The following CDCA8 variants were observed in gnomAD, a reference collection of about 807,000 sequenced individuals.
The protein encoded by CDCA8 is cell division cycle associated 8.
In CDCA8, 25 loss-of-function variants were observed where a neutral mutation model predicts 40.0. That is an observed-to-expected ratio of 0.63 (90% confidence interval 0.46 to 0.87). The LOEUF (loss-of-function observed/expected upper bound fraction) is 0.87. CDCA8 is among the 40% of genes least tolerant of loss of function. CDCA8 has a pLI of 0.00. For synonymous variants in CDCA8, 111 were observed against 126.5 expected (o/e 0.88, Z 0.82); for missense variants, 280 against 348.4 (o/e 0.80, Z 1.56).
chr1:37,699,076 C>A, intron 4 of CDCA8, 99 bp downstream of exon 4: 1 of 758,916 alleles, frequency 1.3e-6, no homozygotes, highest in Non-Finnish European at 2.3e-6. Flanking sequence ...AGCCTCTTCC[C>A]TTTAATGTCT....
At chr1:37,702,839 C>G (rs988839058) in intron 6 of CDCA8, among the ~76,000 whole-genome samples, 2 of 151,832 alleles carry the variant, frequency 1.3e-5, no homozygotes, top group Non-Finnish European at 2.9e-5. Context: ...GTAGTTCCAG[C>G]TACTCGGGAG....
In CDCA8 at chr1:37,692,518, A is replaced by T. The variant is rs1054360963; in HGVS notation, c.-173A>T. 2 of 622,588 alleles carry T rather than the reference A, an allele frequency of 3.2e-6. No homozygotes were observed. Among genetic ancestry groups the T allele is most frequent in the South Asian group, 3.7e-5 (2 of 53,692 alleles). The allele number at this position is 622,588 out of a possible 1,614,324, so 38.6% of individuals were successfully genotyped here. On this transcript the variant is annotated 5_prime_UTR_variant, in exon 1 of 10. Coordinates refer to ENST00000373055, the MANE Select transcript of CDCA8 (RefSeq NM_001256875.2). ...TTTGAATTGGGTGGCGGTTGACTGT[A>T]GAGCCGCTCTCTCTCACTGGCACAG...
chr1:37,706,313 G>A (rs1645601566), intron 8 of CDCA8, among the ~76,000 whole-genome samples: 2 of 152,028 alleles, frequency 1.3e-5, no homozygotes, highest in Non-Finnish European at 2.9e-5. Flanking sequence ...TCACCATATT[G>A]GTCAAGCTGG....
chr1:37,700,734 A>T (rs1645558069), intron 5 of CDCA8, among the ~76,000 whole-genome samples: 1 of 152,230 alleles, frequency 6.6e-6, no homozygotes, highest in Admixed American at 6.5e-5. Context: ...TAGGACATAG[A>T]CAGGCCTTTC....
intron 8 of CDCA8, 148 bp downstream of exon 8, chr1:37,705,715 T>G (rs1645594841): frequency 2.7e-5 from 22 of 813,768 alleles, no homozygotes; most frequent in Non-Finnish European, 4.1e-5. Context: ...AGAACCCAGT[T>G]TTCTCTCCCA....
chr1:37,703,426 T>C (rs1021536263), intron 7 of CDCA8, 79 bp downstream of exon 7: 6 of 1,086,628 alleles, frequency 5.5e-6, no homozygotes, highest in Non-Finnish European at 7.1e-6. Flanking sequence ...TCTAAGAAAA[T>C]ACTCCTAGGC....
chr1:37,703,524 T>C (rs1432381701), intron 7 of CDCA8, among the ~76,000 whole-genome samples, 177 bp downstream of exon 7: 1 of 152,166 alleles, frequency 6.6e-6, no homozygotes, highest in African/African-American at 2.4e-5. Flanking sequence ...AAGACCAGCC[T>C]GGCCAAGATG....
At chr1:37,695,368 TAAAAAA>T (rs71690196) in intron 2 of CDCA8, among the ~76,000 whole-genome samples, 5 of 76,474 alleles carry the variant, frequency 6.5e-5, no homozygotes, top group African/African-American at 1.5e-4. Context: ...CATCTCTACT[TAAAAAA>T]AAAAAAAAAA....
intron 2 of CDCA8, among the ~76,000 whole-genome samples, chr1:37,695,650 G>A (rs1044390617): frequency 1.3e-5 from 2 of 152,120 alleles, no homozygotes; most frequent in South Asian, 2.1e-4. Flanking sequence ...TGATGTTTGA[G>A]CTGAGTTTTG....
At position 37,703,321 on chromosome 1, in the gene CDCA8, A is replaced by C; in HGVS notation, c.558A>C (p.Pro186=). The part of the protein sequence containing the change: ...RLEVSMVKPT[P]GLTPRFDSRV... Reference sequence around the variant, plus strand: ...AGGTGTCCATGGTCAAACCAACTCCAGGCCTGACACCCAGGTTTGACTCAA... The same window carrying C: ...AGGTGTCCATGGTCAAACCAACTCCCGGCCTGACACCCAGGTTTGACTCAA... Residue 186 remains proline, a synonymous_variant, in exon 7 of 10, where the codon CCA becomes CCC. Transcript: ENST00000373055. The C allele has an allele frequency of 6.2e-7, 1 of 1,613,816 alleles. No homozygotes were observed. Among genetic ancestry groups the C allele is most frequent in the East Asian group, 2.2e-5 (1 of 44,878 alleles).
At chr1:37,695,859 A>G in intron 2 of CDCA8, 51 bp from the exon 3 acceptor site, 1 of 1,538,616 alleles carries the variant, frequency 6.5e-7, no homozygotes, top group Non-Finnish European at 9.0e-7. Context: ...ACTATTAGGC[A>G]AGATGATTTA....
rs1406721591 is a variant in CDCA8, at chr1:37,708,398, G to A, written c.*32G>A. 1 of 1,594,408 alleles carries A rather than the reference G, an allele frequency of 6.3e-7. No individual in the cohort carries two copies. On this transcript the variant is annotated 3_prime_UTR_variant, in exon 10 of 10. Transcript: ENST00000373055. Reference sequence around the variant, plus strand: ...AAAGTTGACAGGATGGACTTTTAATGGGCACTTCTGGGACCCTGAAGAGAC... The same window carrying A: ...AAAGTTGACAGGATGGACTTTTAATAGGCACTTCTGGGACCCTGAAGAGAC...
Position 37,703,348 on chromosome 1 carries a change from G to T in CDCA8, c.584+1G>T. The T allele has an allele frequency of 6.2e-7, 1 of 1,606,912 alleles. No homozygotes were observed. On this transcript the variant is annotated splice_donor_variant, in intron 7 of 9. Coordinates refer to ENST00000373055, the MANE Select transcript of CDCA8 (RefSeq NM_001256875.2). LOFTEE classifies it high-confidence loss of function. ...GCCTGACACCCAGGTTTGACTCAAG[G>T]TGAGTATCGAGGGAAACACTTGGAT...
intron 3 of CDCA8, among the ~76,000 whole-genome samples, chr1:37,697,796 A>G (rs1339429411): frequency 1.3e-5 from 2 of 152,212 alleles, no homozygotes; most frequent in Non-Finnish European, 2.9e-5. Flanking sequence ...GAATGCCCCT[A>G]CTTTCTGTTG....
intron 4 of CDCA8, among the ~76,000 whole-genome samples, chr1:37,699,809 A>T (rs1645551525): frequency 6.6e-6 from 1 of 152,038 alleles, no homozygotes; most frequent in African/African-American, 2.4e-5. Context: ...AGTCCCAGCT[A>T]CTTGGGAGGC....
intron 3 of CDCA8, among the ~76,000 whole-genome samples, chr1:37,697,518 C>G (rs1645535317): frequency 6.6e-6 from 1 of 152,200 alleles, no homozygotes; most frequent in African/African-American, 2.4e-5. Flanking sequence ...CCTAGACTTT[C>G]AGGAGGGAAG....
chr1:37,707,792 G>C (rs1388867269), intron 9 of CDCA8, among the ~76,000 whole-genome samples: 1 of 152,208 alleles, frequency 6.6e-6, no homozygotes, highest in Non-Finnish European at 1.5e-5. Flanking sequence ...CTGCACTCCA[G>C]CCTGGGTGAC....
rs1557519042 is a variant in CDCA8 at position 37,705,473 on chromosome 1, C to T, written c.617C>T (p.Ala206Val). The stretch of plus-strand genomic sequence containing the variant: ...AAGACCCCTGGCCTGCGTACTCCAG[C>T]AGCAGGAGAGCGGATTTACAACATC... ...VFKTPGLRTP[A>V]AGERIYNISG... Residue 206 changes from alanine to valine, a missense_variant, in exon 8 of 10, where the codon GCA (alanine) becomes GTA (valine). By Grantham distance (64) the Ala-to-Val change is moderately conservative. Transcript: ENST00000373055. 1 of 1,613,974 alleles carries T rather than the reference C, an allele frequency of 6.2e-7. No homozygotes were observed. Among genetic ancestry groups the T allele is most frequent in the East Asian group, 2.2e-5 (1 of 44,882 alleles).
Position 37,704,964 on chromosome 1 carries a change from T to A in CDCA8, c.585-477T>A, listed in dbSNP as rs550957267. Among the ~76,000 whole-genome samples the A allele has an allele frequency of 3.3e-5, 5 of 152,334 alleles. No individual in the cohort carries two copies. In the East Asian group the frequency reaches 5.8e-4, roughly 18 times the overall value. On this transcript the variant is annotated intron_variant, in intron 7 of 9. Coordinates refer to ENST00000373055, the MANE Select transcript of CDCA8 (RefSeq NM_001256875.2). ...CACTCAGCCAGTTCCCACTTTTCTT[T>A]ACTGTTTGTTTTCTCACATGAATAT...
Sources: gnomAD v4.1 joint callset for allele counts (sites outside exome capture counted in the v4.1 genomes callset) on GRCh38, gnomAD v4.1.1 for gene constraint, MANE v1.5 for transcripts, NCBI Gene and HGNC (gene_info 2026-07-23, HGNC 2026-07-21) for gene names.